MGAM2: variants seen among roughly 807,000 people sequenced by gnomAD.
MGAM2 encodes maltase-glucoamylase 2 (putative), also known as probable maltase-glucoamylase 2.
In MGAM2, 98 loss-of-function variants were observed where a neutral mutation model predicts 96.1. The observed-to-expected ratio is 1.02, with a 90% CI of 0.87 to 1.21. The LOEUF is 1.21. Among genes scored for constraint, MGAM2 ranks in the 50% most tolerant of loss-of-function variants. The pLI is 0.00. For missense variants in MGAM2, 2,055 were observed against 1,182.4 expected (o/e 1.74, Z -10.82); for synonymous variants, 749 against 414.8 (o/e 1.81, Z -9.79).
intron 20 of MGAM2, 32 bp downstream of exon 20, chr7:142,159,375 C>A (rs1057299991): frequency 7.1e-6 from 5 of 701,568 alleles, no homozygotes; most frequent in Non-Finnish European, 1.3e-5. Context: ...GGCTCACAGA[C>A]CTGCCTCTAG....
intron 3 of MGAM2, among the ~76,000 whole-genome samples, chr7:142,121,472 C>T (rs1206481413): frequency 2.6e-5 from 4 of 152,054 alleles, no homozygotes; most frequent in Admixed American, 6.6e-5. Context: ...CCACTACGCC[C>T]GGCCCATATA....
rs559602200 is a variant in MGAM2 at position 142,217,896 on chromosome 7, C to G, written c.5188-465C>G. Among the ~76,000 whole-genome samples the G allele has an allele frequency of 9.2e-5, 14 of 152,098 alleles. No individual in the cohort carries two copies. In the South Asian group the frequency reaches 1.2e-3, roughly 14 times the overall value. On this transcript the variant is annotated intron_variant, in intron 46 of 47. Coordinates refer to ENST00000477922, the MANE Select transcript of MGAM2 (RefSeq NM_001293626.2). ...GTCAGGGATTTGAGACCAGCCTGGC[C>G]AACATAGTGAAACCCCGTCTCTATT...
At chr7:142,195,594 TGA>T in intron 37 of MGAM2, among the ~76,000 whole-genome samples, 1 of 151,446 alleles carries the variant, frequency 6.6e-6, no homozygotes, top group Non-Finnish European at 1.5e-5. Flanking sequence ...TGACCTCAAG[TGA>T]TCCACCCACC....
intron 17 of MGAM2, among the ~76,000 whole-genome samples, chr7:142,157,052 A>G (rs1294157308): frequency 6.6e-6 from 1 of 152,200 alleles, no homozygotes; most frequent in Non-Finnish European, 1.5e-5. Context: ...GAGGTCACTA[A>G]TCTTTGGGAT....
In MGAM2 at chr7:142,132,902, T is replaced by C. The variant is rs1373316108; in HGVS notation, c.575+817T>C. On this transcript the variant is annotated intron_variant, in intron 6 of 47. Transcript: ENST00000477922. ...AATATATAATATATAACATATGTAT[T>C]TAATATACAAATATGTCATATTTAT... Among the ~76,000 whole-genome samples, 3 of 130,578 alleles carry C rather than the reference T, an allele frequency of 2.3e-5. No homozygotes were observed. The South Asian group carries it at 7.0e-4, about 30-fold the overall frequency. The allele number at this position is 130,578 out of a possible 152,430, so 85.7% of individuals were successfully genotyped here.
At chr7:142,186,762 G>A (rs1225699441) in intron 35 of MGAM2, among the ~76,000 whole-genome samples, 1 of 152,178 alleles carries the variant, frequency 6.6e-6, no homozygotes, top group Non-Finnish European at 1.5e-5. Context: ...GGTCAGACTG[G>A]AAGAAGTCTG....
Position 142,221,330 on chromosome 7 carries a change from T to A in MGAM2, c.6819T>A (p.Ser2273=). Reference sequence around the variant, plus strand: ...GTGTTCCTTTTGTGACTACTCCTTCTCCAAGTACTGATGCTACTACTACAA... The same window carrying A: ...GTGTTCCTTTTGTGACTACTCCTTCACCAAGTACTGATGCTACTACTACAA... ...GNSVPFVTTP[S]PSTDATTTSN... is the part of the protein sequence containing the mutation. The change falls in exon 48 of 48, where the codon TCT becomes TCA. Residue 2273 remains serine (S), a synonymous_variant. Transcript: ENST00000477922. The A allele has an allele frequency of 1.6e-6, 1 of 641,460 alleles. No homozygotes were observed. The highest frequency in any genetic ancestry group is 2.8e-6 in the Non-Finnish European group (1 of 356,316). 39.7% of individuals were successfully genotyped at this position (641,460 alleles called of 1,614,324 possible).
rs1350086097 is a variant in MGAM2, at chr7:142,164,880, A to C, written c.2509A>C (p.Asn837His). Residue 837 changes from asparagine to histidine, a missense_variant, in exon 24 of 48, where the codon AAT (asparagine) becomes CAT (histidine). Physicochemically the swap from Asn to His is moderately conservative, Grantham distance 68. Transcript: ENST00000477922. ...TSNHLQAKII[N>H]NNYMDTDNLM... ...GAACCATCTACAAGCAAAGATTATAAATAATAATTATATGGACACTGACAA... is the reference window on the plus strand; with the variant it reads ...GAACCATCTACAAGCAAAGATTATACATAATAATTATATGGACACTGACAA... The C allele has an allele frequency of 1.4e-6, 1 of 699,056 alleles. No individual in the cohort carries two copies. The highest frequency in any genetic ancestry group is 2.0e-5 in the Admixed American group (1 of 49,346). 43.3% of individuals were successfully genotyped at this position (699,056 alleles called of 1,614,324 possible).
chr7:142,173,069 A>G (rs184690906), intron 30 of MGAM2, among the ~76,000 whole-genome samples, 160 bp from the exon 31 acceptor site: 18 of 152,298 alleles, frequency 1.2e-4, no homozygotes, highest in Non-Finnish European at 1.8e-4. Context: ...ATCATTTTGC[A>G]TGTCTGTAGT....
chr7:142,125,838 C>T (rs1794720160), intron 3 of MGAM2, among the ~76,000 whole-genome samples: 1 of 152,012 alleles, frequency 6.6e-6, no homozygotes, highest in South Asian at 2.1e-4. Context: ...CCACACTGAA[C>T]ACAGTCCTTT....
chr7:142,191,334 T>C (rs567848648), intron 37 of MGAM2, among the ~76,000 whole-genome samples: 4 of 152,334 alleles, frequency 2.6e-5, no homozygotes, highest in Non-Finnish European at 5.9e-5. Flanking sequence ...TCACTTGTGC[T>C]TTTGGTGTCA....
At chr7:142,139,493 T>A (rs570604092) in intron 10 of MGAM2, among the ~76,000 whole-genome samples, 2 of 151,826 alleles carry the variant, frequency 1.3e-5, no homozygotes, top group African/African-American at 4.8e-5. Context: ...ACCCCGTCTC[T>A]ATTAAAAATA....
At chr7:142,179,436 G>A (rs1248343759) in intron 32 of MGAM2, among the ~76,000 whole-genome samples, 1 of 152,160 alleles carries the variant, frequency 6.6e-6, no homozygotes, top group East Asian at 1.9e-4. Context: ...CCATGCTCCA[G>A]TTCTCAAGAA....
chr7:142,154,511 C>A (rs191964810), intron 16 of MGAM2, among the ~76,000 whole-genome samples: 1 of 152,116 alleles, frequency 6.6e-6, no homozygotes. Flanking sequence ...TAAGGAACAG[C>A]CTCAACACAA....
intron 46 of MGAM2, among the ~76,000 whole-genome samples, chr7:142,208,833 T>G (rs2129104743): frequency 6.6e-6 from 1 of 152,296 alleles, no homozygotes. Context: ...GAAAAGAAAC[T>G]TGGAATTCAT....
chr7:142,170,350 A>G, intron 27 of MGAM2, 121 bp downstream of exon 27: 1 of 501,468 alleles, frequency 2.0e-6, no homozygotes, highest in Non-Finnish European at 3.5e-6. Context: ...CATTTGTTAG[A>G]GTATATCTAT....
chr7:142,170,275 A>C (rs978016556), intron 27 of MGAM2, 46 bp downstream of exon 27: 2 of 651,064 alleles, frequency 3.1e-6, no homozygotes, highest in Admixed American at 4.6e-5. Context: ...TCTAGATTTA[A>C]TTACAGCAGT....
At chr7:142,156,959 G>A (rs1031996508) in intron 17 of MGAM2, among the ~76,000 whole-genome samples, 1 of 152,020 alleles carries the variant, frequency 6.6e-6, no homozygotes. Flanking sequence ...TTCTTCTAAT[G>A]GGTTATTTTT....
intron 46 of MGAM2, among the ~76,000 whole-genome samples, chr7:142,217,648 G>A (rs1170695920): frequency 1.3e-5 from 2 of 152,152 alleles, no homozygotes; most frequent in African/African-American, 4.8e-5. Flanking sequence ...AGAGAGGTTG[G>A]TTAGTGGGAA....
Sources: gnomAD v4.1 joint callset for allele counts (sites outside exome capture counted in the v4.1 genomes callset) on GRCh38, gnomAD v4.1.1 for gene constraint, MANE v1.5 for transcripts, NCBI Gene and HGNC (gene_info 2026-07-23, HGNC 2026-07-21) for gene names.